Variants in ARHGAP15 observed in about 807,000 individuals in gnomAD.
ARHGAP15 encodes rho GTPase-activating protein 15.
Under a neutral mutation model 63.7 loss-of-function variants are expected in ARHGAP15, and 51 were observed. The ratio of observed to expected loss-of-function variants is 0.80; its 90% CI spans 0.64 to 1.01. The LOEUF is 1.01. Among genes scored for constraint, ARHGAP15 ranks in the 50% least tolerant of loss-of-function variants. The probability of loss-of-function intolerance (pLI) is 0.00; values close to 1 mark genes in which losing one functional copy is unlikely to be tolerated. For synonymous variants in ARHGAP15, 191 were observed against 193.8 expected, an observed-to-expected ratio of 0.99 and a Z score of 0.12; for missense variants, 560 against 564.6, an observed-to-expected ratio of 0.99 and a Z score of 0.08.
At chr2:143,144,255 C>A (rs375104949) in intron 1 of ARHGAP15, among the ~76,000 whole-genome samples, 2 of 151,886 alleles carry the variant, frequency 1.3e-5, no homozygotes, top group Non-Finnish European at 2.9e-5. Context: ...ATTTATATTC[C>A]TTTGGGTATA....
intron 6 of ARHGAP15, among the ~76,000 whole-genome samples, chr2:143,266,140 AT>A (rs1248480662): frequency 3.3e-5 from 5 of 152,092 alleles, no homozygotes; most frequent in African/African-American, 1.2e-4. Flanking sequence ...AAAATATCTA[AT>A]TTATGGTTAG....
At chr2:143,135,016 G>A (rs1226518311) in intron 1 of ARHGAP15, among the ~76,000 whole-genome samples, 1 of 152,132 alleles carries the variant, frequency 6.6e-6, no homozygotes, top group African/African-American at 2.4e-5. Context: ...AAGTGAAGGA[G>A]GAGAAAAGGA....
chr2:143,185,169 G>A (rs1226305832), intron 2 of ARHGAP15, among the ~76,000 whole-genome samples: 5 of 151,968 alleles, frequency 3.3e-5, no homozygotes, highest in South Asian at 2.1e-4. Context: ...AATACGTTCC[G>A]ATTGAGTTTA....
intron 9 of ARHGAP15, among the ~76,000 whole-genome samples, chr2:143,512,764 G>C (rs1211919278): frequency 6.6e-6 from 1 of 152,234 alleles, no homozygotes; most frequent in Non-Finnish European, 1.5e-5. Flanking sequence ...AGGATACAGA[G>C]TGCCTGGAGT....
chr2:143,164,800 T>G (rs1690435029), intron 2 of ARHGAP15, among the ~76,000 whole-genome samples: 1 of 151,962 alleles, frequency 6.6e-6, no homozygotes, highest in Non-Finnish European at 1.5e-5. Flanking sequence ...GTAAGCACTA[T>G]AGTCACTGTT....
At chr2:143,225,686 A>G (rs186756529) in intron 4 of ARHGAP15, among the ~76,000 whole-genome samples, 214 of 152,316 alleles carry the variant, frequency 1.4e-3, no homozygotes, top group Middle Eastern at 6.8e-3. Flanking sequence ...TTTTGGAGCT[A>G]GAGAAACTGG....
chr2:143,255,404 A>G (rs1368793879), intron 6 of ARHGAP15, among the ~76,000 whole-genome samples: 1 of 151,970 alleles, frequency 6.6e-6, no homozygotes, highest in Non-Finnish European at 1.5e-5. Context: ...CTAAAAGTAA[A>G]CCTCGGAATA....
At chr2:143,311,114 C>G (rs184711699) in intron 6 of ARHGAP15, among the ~76,000 whole-genome samples, 2 of 151,916 alleles carry the variant, frequency 1.3e-5, no homozygotes, top group East Asian at 3.9e-4. Context: ...TTACTGTAAC[C>G]TTATACAAAA....
intron 1 of ARHGAP15, among the ~76,000 whole-genome samples, chr2:143,150,706 T>C (rs1471106231): frequency 6.6e-6 from 1 of 152,008 alleles, no homozygotes; most frequent in African/African-American, 2.4e-5. Flanking sequence ...CTTCAATATT[T>C]TCATTAGTCA....
At chr2:143,678,180 C>T (rs181013298) in intron 12 of ARHGAP15, among the ~76,000 whole-genome samples, 3 of 152,206 alleles carry the variant, frequency 2.0e-5, no homozygotes, top group Admixed American at 1.3e-4. Flanking sequence ...CCACTACATT[C>T]CAGCCTGGCT....
chr2:143,656,050 G>A (rs1681417217), intron 12 of ARHGAP15: 1 of 152,170 alleles, frequency 6.6e-6, no homozygotes, highest in Non-Finnish European at 1.5e-5. Flanking sequence ...CTGGATGGCA[G>A]TTGCTTATAA....
At chr2:143,693,281 A>G (rs1322361561) in intron 12 of ARHGAP15, among the ~76,000 whole-genome samples, 9 of 152,218 alleles carry the variant, frequency 5.9e-5, no homozygotes, top group African/African-American at 1.9e-4. Context: ...CCTCCTTTCA[A>G]ATTTACTGTT....
At chr2:143,432,754 T>C (rs958772032) in intron 6 of ARHGAP15, among the ~76,000 whole-genome samples, 4 of 152,064 alleles carry the variant, frequency 2.6e-5, no homozygotes, top group African/African-American at 7.2e-5. Context: ...ATATGCATTA[T>C]TGACACTGCA....
At chr2:143,336,292 C>A (rs1214800908) in intron 6 of ARHGAP15, among the ~76,000 whole-genome samples, 1 of 152,150 alleles carries the variant, frequency 6.6e-6, no homozygotes, top group East Asian at 1.9e-4. Context: ...CACTGAAGGG[C>A]ATACCTCTAT....
chr2:143,263,378 G>T (rs897755845), intron 6 of ARHGAP15, among the ~76,000 whole-genome samples: 5 of 152,188 alleles, frequency 3.3e-5, no homozygotes, highest in African/African-American at 4.8e-5. Flanking sequence ...GATGGAAGGG[G>T]TCTGATGTTG....
At chr2:143,420,696 A>T (rs1688881177) in intron 6 of ARHGAP15, among the ~76,000 whole-genome samples, 1 of 152,104 alleles carries the variant, frequency 6.6e-6, no homozygotes, top group Non-Finnish European at 1.5e-5. Flanking sequence ...TTTGCTTAAG[A>T]TATCCTATCA....
chr2:143,347,019 G>A (rs913312955), intron 6 of ARHGAP15, among the ~76,000 whole-genome samples: 2 of 151,710 alleles, frequency 1.3e-5, no homozygotes, highest in Non-Finnish European at 1.5e-5. Flanking sequence ...TGTACAAATC[G>A]AGAGGTCTTT....
At chr2:143,432,806 A>G (rs1689445038) in intron 6 of ARHGAP15, among the ~76,000 whole-genome samples, 1 of 152,142 alleles carries the variant, frequency 6.6e-6, no homozygotes, top group Admixed American at 6.6e-5. Flanking sequence ...ATATTCCTTC[A>G]AAATACGACC....
At chr2:143,670,764 AG>A (rs1238626807) in intron 12 of ARHGAP15, among the ~76,000 whole-genome samples, 3 of 152,220 alleles carry the variant, frequency 2.0e-5, no homozygotes, top group Admixed American at 6.5e-5. Flanking sequence ...TTAAATTTAC[AG>A]GAAAACTGTG....
Sources: allele counts gnomAD v4.1 joint callset (sites outside exome capture counted in the v4.1 genomes callset), GRCh38; gene constraint gnomAD v4.1.1; transcripts MANE v1.5; gene names NCBI Gene and HGNC (gene_info 2026-07-23, HGNC 2026-07-21).